Variants in CCDC171 observed in about 807,000 individuals in gnomAD.
The protein encoded by CCDC171 is coiled-coil domain-containing protein 171.
In CCDC171, 177 loss-of-function variants were observed where a neutral mutation model predicts 168.2. The observed-to-expected ratio is 1.05, with a 90% CI of 0.93 to 1.19. The LOEUF is 1.19. CCDC171 is among the 50% of genes most tolerant of loss of function. CCDC171 has a pLI of 0.00. For synonymous variants in CCDC171, 687 were observed against 540.8 expected, an observed-to-expected ratio of 1.27 and a Z score of -3.75; for missense variants, 1,991 against 1,539.0, an observed-to-expected ratio of 1.29 and a Z score of -4.91.
intron 1 of CCDC171, among the ~76,000 whole-genome samples, chr9:15,558,162 G>T (rs1390948306): frequency 2.6e-5 from 4 of 151,966 alleles, no homozygotes; most frequent in African/African-American, 9.7e-5. Context: ...GAGGATTTTT[G>T]CATCAATGTT....
Position 15,936,172 on chromosome 9 carries a change from T to C in CCDC171, c.3753+15750T>C, listed in dbSNP as rs539754614. On this transcript the variant is annotated intron_variant, in intron 25 of 25. Coordinates refer to ENST00000380701, the MANE Select transcript of CCDC171 (RefSeq NM_173550.4). ...GCACTGTTATATAAACAGACCCAGA[T>C]GAAGGTCCCTGCTAGAAGCCAAGCC... Among the ~76,000 whole-genome samples, 8 of 152,182 alleles carry C rather than the reference T, an allele frequency of 5.3e-5. No individual in the cohort carries two copies. In the South Asian group the frequency reaches 1.7e-3, roughly 32 times the overall value.
chr9:15,750,693 A>G (rs370223189), intron 18 of CCDC171, among the ~76,000 whole-genome samples: 48 of 152,312 alleles, frequency 3.2e-4, no homozygotes, highest in African/African-American at 1.0e-3. Context: ...GATTATCTCA[A>G]TGGATGCAGA....
chr9:15,931,769 C>T (rs1459553555), intron 25 of CCDC171, among the ~76,000 whole-genome samples: 1 of 151,590 alleles, frequency 6.6e-6, no homozygotes, highest in Admixed American at 6.6e-5. Context: ...ACATTTAAGT[C>T]TATTACCTAT....
intron 14 of CCDC171, among the ~76,000 whole-genome samples, chr9:15,727,152 AT>A (rs199948038): frequency 6.6e-4 from 99 of 151,060 alleles, no homozygotes; most frequent in African/African-American, 2.0e-3. Context: ...AGCTATATCC[AT>A]TTTTTTTTGC....
intron 9 of CCDC171, among the ~76,000 whole-genome samples, chr9:15,667,715 C>A (rs543262823): frequency 6.6e-6 from 1 of 152,220 alleles, no homozygotes; most frequent in African/African-American, 2.4e-5. Flanking sequence ...ATTTAAATAG[C>A]GGTAATTTTT....
chr9:15,968,513 A>C (rs970448880), intron 25 of CCDC171, among the ~76,000 whole-genome samples: 1 of 150,518 alleles, frequency 6.6e-6, no homozygotes, highest in African/African-American at 2.4e-5. Flanking sequence ...TCTCAAATCA[A>C]AGTTTCACCA....
At chr9:15,667,985 C>T (rs1286106281) in intron 9 of CCDC171, among the ~76,000 whole-genome samples, 2 of 152,050 alleles carry the variant, frequency 1.3e-5, no homozygotes, top group Admixed American at 6.5e-5. Flanking sequence ...AAATATTATT[C>T]AAATATGTAT....
chr9:15,589,340 A>G (rs777867058), intron 4 of CCDC171, among the ~76,000 whole-genome samples: 11 of 152,210 alleles, frequency 7.2e-5, no homozygotes, highest in Non-Finnish European at 1.2e-4. Context: ...TTGCCAGTGT[A>G]TCAGGCAATC....
In CCDC171 at chr9:15,817,335, C is replaced by T. The variant is rs143359777; in HGVS notation, c.3268-29367C>T. On this transcript the variant is annotated intron_variant, in intron 21 of 25. Coordinates refer to ENST00000380701, the MANE Select transcript of CCDC171 (RefSeq NM_173550.4). The stretch of plus-strand genomic sequence containing the variant: ...ACGGGTTCATCTCACTGGGGAGTGC[C>T]GAACAGTGGGTGCAGGACAGTGGGT... Among the ~76,000 whole-genome samples the T allele has an allele frequency of 1.1e-3, 130 of 117,158 alleles. 39 individuals are homozygous for T. The highest frequency in any genetic ancestry group is 3.8e-3 in the African/African-American group (119 of 31,262). 76.9% of individuals were successfully genotyped at this position (117,158 alleles called of 152,430 possible).
intron 7 of CCDC171, among the ~76,000 whole-genome samples, chr9:15,640,138 A>C (rs906513299): frequency 1.3e-5 from 2 of 152,158 alleles, no homozygotes; most frequent in Admixed American, 6.5e-5. Flanking sequence ...GTTTTTAATA[A>C]TCTTTTGTTT....
chr9:16,107,188 C>T, the CCDC171 span, among the ~76,000 whole-genome samples: 1 of 152,108 alleles, frequency 6.6e-6, no homozygotes, highest in East Asian at 1.9e-4. Flanking sequence ...CTCGCTCTGT[C>T]ACCCAGGCTG....
At chr9:15,946,213 G>A (rs1828359762) in intron 25 of CCDC171, among the ~76,000 whole-genome samples, 1 of 151,804 alleles carries the variant, frequency 6.6e-6, no homozygotes, top group Non-Finnish European at 1.5e-5. Context: ...TTATTTCTGA[G>A]GGCTCTGTTC....
intron 24 of CCDC171, chr9:15,875,113 A>G (rs572469947): frequency 1.5e-4 from 23 of 152,266 alleles, no homozygotes; most frequent in Admixed American, 1.3e-3. Context: ...ATTCCAAAAT[A>G]TATCCAACAT....
At chr9:16,062,009 C>G (rs1385989243), downstream of CCDC171, among the ~76,000 whole-genome samples, 1 of 152,116 alleles carries the variant, frequency 6.6e-6, no homozygotes, top group East Asian at 1.9e-4. Context: ...TACCTCACTG[C>G]TAGGGAATAC....
In CCDC171 at chr9:15,872,710, G is replaced by C. The variant is rs1383771677; in HGVS notation, c.3469-1822G>C. On this transcript the variant is annotated intron_variant, in intron 23 of 25. Transcript: ENST00000380701. ...AAACATCAAACAATGAATTGGCCAG[G>C]GTGCAGTAAAATATTTAGATCTATT... Among the ~76,000 whole-genome samples, 3 of 151,774 alleles carry C rather than the reference G, an allele frequency of 2.0e-5. No individual in the cohort carries two copies. In the South Asian group the frequency reaches 6.2e-4, roughly 32 times the overall value.
At chr9:15,647,652 A>T (rs2047159734) in intron 7 of CCDC171, among the ~76,000 whole-genome samples, 1 of 152,212 alleles carries the variant, frequency 6.6e-6, no homozygotes, top group South Asian at 2.1e-4. Flanking sequence ...TCTAGAAGAA[A>T]TGCATAAATT....
intron 18 of CCDC171, chr9:15,776,145 C>CTTTTT (rs1186076956): frequency 6.6e-5 from 10 of 151,676 alleles, no homozygotes; most frequent in African/African-American, 2.2e-4. Context: ...CCATTGTTTT[C>CTTTTT]TTTTTATTTA....
intron 25 of CCDC171, 139 bp downstream of exon 25, chr9:15,920,561 T>C: frequency 1.6e-6 from 1 of 622,742 alleles, no homozygotes; most frequent in South Asian, 3.6e-5. Flanking sequence ...ATAAAATTAT[T>C]TGTGTGGAGA....
intron 3 of CCDC171, among the ~76,000 whole-genome samples, chr9:16,019,725 A>G (rs1833111777): frequency 6.6e-6 from 1 of 152,220 alleles, no homozygotes. Flanking sequence ...AAACATCAAA[A>G]TATTCTGGAA....
Sources: gnomAD v4.1 joint callset for allele counts (sites outside exome capture counted in the v4.1 genomes callset) on GRCh38, gnomAD v4.1.1 for gene constraint, MANE v1.5 for transcripts, NCBI Gene and HGNC (gene_info 2026-07-23, HGNC 2026-07-21) for gene names.